CLEC16A: variants seen among roughly 807,000 people sequenced by gnomAD.
CLEC16A encodes protein CLEC16A.
CLEC16A carries 51 observed loss-of-function variants against 109.5 expected under a neutral mutation model. The ratio of observed to expected loss-of-function variants is 0.47; its 90% CI spans 0.37 to 0.59. The LOEUF is 0.59. Among genes scored for constraint, CLEC16A ranks in the 20% least tolerant of loss-of-function variants. The probability of loss-of-function intolerance (pLI) is 0.00; values close to 1 mark genes in which losing one functional copy is unlikely to be tolerated. For synonymous variants in CLEC16A, 673 were observed against 564.2 expected, an observed-to-expected ratio of 1.19 and a Z score of -2.73; for missense variants, 1,339 against 1,394.0, an observed-to-expected ratio of 0.96 and a Z score of 0.63.
At chr16:11,129,215 ATTATAT>A (rs768161114) in intron 22 of CLEC16A, among the ~76,000 whole-genome samples, 10 of 152,198 alleles carry the variant, frequency 6.6e-5, no homozygotes, top group Admixed American at 2.0e-4. Context: ...ATTTAGATAG[ATTATAT>A]TTATAGATAT....
intron 1 of CLEC16A, among the ~76,000 whole-genome samples, chr16:10,946,189 A>C (rs1221971540): frequency 2.0e-5 from 3 of 152,162 alleles, no homozygotes; most frequent in Non-Finnish European, 4.4e-5. Flanking sequence ...TGAGACTACT[A>C]ATGGGAAAGG....
At chr16:10,990,906 T>C (rs2043967692) in intron 10 of CLEC16A, among the ~76,000 whole-genome samples, 2 of 152,216 alleles carry the variant, frequency 1.3e-5, no homozygotes, top group Admixed American at 1.3e-4. Context: ...GGCCAGCCTC[T>C]TCGGATATTT....
chr16:10,962,472 A>G lies in CLEC16A; in HGVS notation c.227A>G (p.Asn76Ser). 6.2e-7 allele frequency: 1 copy of G among 1,613,922 alleles called. No homozygotes were observed. Among genetic ancestry groups the G allele is most frequent in the Non-Finnish European group, 8.5e-7 (1 of 1,179,872 alleles). The change falls in exon 3 of 24, where the codon AAT becomes AGT. Residue 76 changes from asparagine (N) to serine (S), a missense_variant. Physicochemically the swap from Asn to Ser is conservative, Grantham distance 46. This residue lies in a region of CLEC16A where 117 missense variants were observed against 120.2 expected (regional missense o/e 0.97). Transcript: ENST00000409790. The part of the protein sequence containing the change: ...SSVFDFFLEK[N>S]MFVFFLNILR... ...CTCCCCAGCTTCTTCCTGGAGAAGA[A>G]TATGTTTGTTTTCTTCTTGAACATC...
intron 10 of CLEC16A, among the ~76,000 whole-genome samples, chr16:10,999,656 G>A (rs1325514901): frequency 6.6e-6 from 1 of 152,172 alleles, no homozygotes; most frequent in African/African-American, 2.4e-5. Flanking sequence ...AATTTCCCCA[G>A]TAAGCATGCC....
intron 19 of CLEC16A, among the ~76,000 whole-genome samples, chr16:11,088,314 C>A (rs2152958452): frequency 6.6e-6 from 1 of 152,372 alleles, no homozygotes; most frequent in East Asian, 1.9e-4. Context: ...TAGGACTCCA[C>A]AGAACCAGCT....
At chr16:11,131,089 A>G (rs1040715875) in intron 22 of CLEC16A, among the ~76,000 whole-genome samples, 4 of 151,862 alleles carry the variant, frequency 2.6e-5, no homozygotes, top group Admixed American at 2.0e-4. Context: ...TCTCACCCTC[A>G]CAGAATGTTC....
At chr16:11,007,951 G>A (rs1338489408) in intron 11 of CLEC16A, among the ~76,000 whole-genome samples, 1 of 152,046 alleles carries the variant, frequency 6.6e-6, no homozygotes, top group Non-Finnish European at 1.5e-5. Flanking sequence ...AGGTGAATTA[G>A]GACAAAGCCT....
At chr16:11,079,984 G>A (rs1338376450) in intron 19 of CLEC16A, among the ~76,000 whole-genome samples, 2 of 152,112 alleles carry the variant, frequency 1.3e-5, no homozygotes, top group African/African-American at 4.8e-5. Context: ...GGTCTCCCAG[G>A]GCCCCTGGCT....
intron 15 of CLEC16A, among the ~76,000 whole-genome samples, chr16:11,043,382 C>T (rs1376936090): frequency 2.0e-5 from 3 of 152,140 alleles, no homozygotes; most frequent in Non-Finnish European, 2.9e-5. Flanking sequence ...CGCACTCCAG[C>T]CTGGGCCACA....
chr16:11,054,588 C>A (rs187774282), intron 18 of CLEC16A, among the ~76,000 whole-genome samples: 1 of 152,326 alleles, frequency 6.6e-6, no homozygotes, highest in East Asian at 1.9e-4. Context: ...CTCCCAGGGT[C>A]CCTGGGTAGC....
At chr16:11,050,705 C>T (rs1387532880) in intron 17 of CLEC16A, among the ~76,000 whole-genome samples, 2 of 152,196 alleles carry the variant, frequency 1.3e-5, no homozygotes, top group South Asian at 4.1e-4. Context: ...GGCCCAGTGG[C>T]CGTGGGCATG....
At chr16:11,122,591 G>A (rs1425624378) in intron 20 of CLEC16A, among the ~76,000 whole-genome samples, 1 of 152,120 alleles carries the variant, frequency 6.6e-6, no homozygotes, top group African/African-American at 2.4e-5. Flanking sequence ...GTTTTGATGG[G>A]GGTGTTATCT....
chr16:10,986,893 G>A (rs1026779793), intron 10 of CLEC16A, among the ~76,000 whole-genome samples: 7 of 151,200 alleles, frequency 4.6e-5, no homozygotes, highest in Non-Finnish European at 1.0e-4. Flanking sequence ...TGGCTCTGTC[G>A]CCCAGGCTGG....
intron 23 of CLEC16A, among the ~76,000 whole-genome samples, chr16:11,171,464 C>A (rs2068510102): frequency 1.3e-5 from 2 of 152,194 alleles, no homozygotes; most frequent in South Asian, 4.1e-4. Context: ...GTGAGATCCT[C>A]CAGTGCTCTG....
chr16:11,119,567 T>C (rs918273622), intron 19 of CLEC16A, among the ~76,000 whole-genome samples: 1 of 152,078 alleles, frequency 6.6e-6, no homozygotes, highest in Admixed American at 6.5e-5. Flanking sequence ...ATTTTTTGCA[T>C]TTTTTGTAGA....
At chr16:11,061,082 C>G (rs1402125066) in intron 19 of CLEC16A, 60 bp downstream of exon 19, 17 of 1,508,276 alleles carry the variant, frequency 1.1e-5, no homozygotes, top group Non-Finnish European at 1.5e-5. Context: ...TGGGACACCA[C>G]TCTGCTGATT....
intron 11 of CLEC16A, among the ~76,000 whole-genome samples, chr16:11,015,887 G>A (rs2045716043): frequency 1.3e-5 from 2 of 152,232 alleles, no homozygotes; most frequent in African/African-American, 4.8e-5. Context: ...TGTAGGGGAG[G>A]TGGGCCTATG....
intron 20 of CLEC16A, among the ~76,000 whole-genome samples, chr16:11,121,353 C>T (rs28498387): frequency 0.014 from 2,100 of 152,272 alleles, 30 homozygotes; most frequent in African/African-American, 0.047. Flanking sequence ...ACTCTTACTT[C>T]TTTATGCACT....
intron 13 of CLEC16A, among the ~76,000 whole-genome samples, chr16:11,039,444 T>C (rs565554605): frequency 2.6e-4 from 39 of 152,294 alleles, no homozygotes; most frequent in Admixed American, 3.3e-4. Context: ...CGATAAGTTA[T>C]GGCACCAACA....
Sources: allele counts gnomAD v4.1 joint callset (sites outside exome capture counted in the v4.1 genomes callset), GRCh38; gene constraint gnomAD v4.1.1; regional missense constraint gnomAD v4.1.1; transcripts MANE v1.5; gene names NCBI Gene and HGNC (gene_info 2026-07-23, HGNC 2026-07-21).